Variants in PUM1 observed in about 807,000 individuals in gnomAD.
PUM1 encodes pumilio homolog 1.
In PUM1, 13 loss-of-function variants were observed where a neutral mutation model predicts 131.8. That is an observed-to-expected ratio of 0.10 (90% CI 0.06 to 0.16). The LOEUF is 0.16. Ranked by LOEUF, PUM1 falls within the 10% of genes least tolerant of loss-of-function variation. The pLI, the probability that PUM1 is intolerant of heterozygous loss-of-function variation, is 1.00. For synonymous variants in PUM1, 509 were observed against 556.5 expected (o/e 0.91, Z 1.20); for missense variants, 961 against 1,512.4 (o/e 0.64, Z 6.05).
At chr1:31,027,961 T>C (rs1306979745) in intron 3 of PUM1, among the ~76,000 whole-genome samples, 1 of 152,204 alleles carries the variant, frequency 6.6e-6, no homozygotes, top group East Asian at 1.9e-4. Context: ...AGAGAAAACC[T>C]AACGTCACTT....
intron 2 of PUM1, chr1:31,055,193 AG>A (rs2124596846): frequency 2.7e-6 from 1 of 369,058 alleles, no homozygotes; most frequent in East Asian, 7.3e-5. Context: ...CTCCACCTAG[AG>A]ATGTGCCCCT....
intron 18 of PUM1, among the ~76,000 whole-genome samples, chr1:30,942,627 C>T (rs1369098013): frequency 6.6e-6 from 1 of 152,148 alleles, no homozygotes; most frequent in Non-Finnish European, 1.5e-5. Flanking sequence ...AATAGAAAAG[C>T]ACACTACCCT....
Position 30,952,328 on chromosome 1 carries a change from G to A in PUM1, c.2627C>T (p.Ala876Val), listed in dbSNP as rs1342696438. ...IQLKLERATP[A>V]ERQLVFNEIL... ...TTCATTGAAGACAAGCTGGCGCTCAGCTGGTGTGGCACGCTCCAGTTTCAG... is the reference window on the plus strand; with the variant it reads ...TTCATTGAAGACAAGCTGGCGCTCAACTGGTGTGGCACGCTCCAGTTTCAG... The change falls in exon 16 of 22, where the codon GCT (alanine) becomes GTT (valine). Residue 876 changes from alanine to valine, a missense_variant. This residue lies in a region of PUM1 where 117 missense variants were observed against 200.7 expected (regional missense o/e 0.58). Transcript: ENST00000426105. 1.9e-6 allele frequency: 3 copies of A among 1,613,460 alleles called. No individual in the cohort carries two copies. Among genetic ancestry groups the A allele is most frequent in the African/African-American group, 1.3e-5 (1 of 74,936 alleles).
In PUM1 at chr1:30,981,345, A is replaced by ACTG. The variant is rs762573186; in HGVS notation, c.1216_1218dup (p.Gln406dup). 246 of 1,603,064 alleles carry ACTG rather than the reference A, an allele frequency of 1.5e-4. No individual in the cohort carries two copies. Among genetic ancestry groups the ACTG allele is most frequent in the Non-Finnish European group, 2.0e-4 (232 of 1,173,694 alleles). On this transcript the variant is annotated inframe_insertion, in exon 8 of 22. Transcript: ENST00000426105. ...GGCTGATGAGCAGCTGCCAGTGCAT[A>ACTG]CTGCTGCTGCTGAGCAGCTGTCAAC...
chr1:30,992,368 G>T (rs759658944), intron 7 of PUM1, 22 bp downstream of exon 7: 1 of 1,606,760 alleles, frequency 6.2e-7, no homozygotes, highest in Non-Finnish European at 8.5e-7. Flanking sequence ...AGTAGAGAGG[G>T]TGACAGAGAC....
chr1:31,015,994 G>A (rs1642804215), intron 3 of PUM1, among the ~76,000 whole-genome samples: 1 of 151,998 alleles, frequency 6.6e-6, no homozygotes, highest in Non-Finnish European at 1.5e-5. Flanking sequence ...ATTTCAAAAG[G>A]GCAAAAGTTA....
At chr1:30,969,316 C>CAAAAAAA (rs763999971) in intron 10 of PUM1, among the ~76,000 whole-genome samples, 5 of 51,172 alleles carry the variant, frequency 9.8e-5, no homozygotes, top group African/African-American at 1.5e-4. Context: ...AACACACACA[C>CAAAAAAA]AAAAAAAAAA....
chr1:30,963,270 G>T (rs1389282742), intron 14 of PUM1, among the ~76,000 whole-genome samples: 1 of 152,124 alleles, frequency 6.6e-6, no homozygotes, highest in Admixed American at 6.5e-5. Flanking sequence ...TCCAGATTCT[G>T]CATTAACCCC....
intron 5 of PUM1, among the ~76,000 whole-genome samples, chr1:31,001,115 C>T (rs1390269655): frequency 2.0e-5 from 3 of 152,024 alleles, no homozygotes; most frequent in African/African-American, 4.8e-5. Flanking sequence ...ACCCGGGAGG[C>T]GGAGCTTGCA....
intron 2 of PUM1, among the ~76,000 whole-genome samples, chr1:31,029,936 C>A: frequency 7.3e-6 from 1 of 137,076 alleles, no homozygotes; most frequent in Non-Finnish European, 1.6e-5. Context: ...AAAAAAAAGG[C>A]TGGGCGCAGT....
intron 2 of PUM1, among the ~76,000 whole-genome samples, chr1:31,038,121 C>T (rs1230534923): frequency 1.3e-5 from 2 of 149,754 alleles, no homozygotes; most frequent in Non-Finnish European, 3.0e-5. Flanking sequence ...ACTTCAACTG[C>T]TAAAGAATAA....
At chr1:31,049,823 CTTTTTTTTT>C (rs773718125) in intron 2 of PUM1, among the ~76,000 whole-genome samples, 2 of 79,970 alleles carry the variant, frequency 2.5e-5, no homozygotes, top group Non-Finnish European at 4.4e-5. Context: ...ACTGAACTTC[CTTTTTTTTT>C]TTTTTTTTTT....
At chr1:31,015,135 C>A (rs183216331) in intron 3 of PUM1, among the ~76,000 whole-genome samples, 1 of 152,182 alleles carries the variant, frequency 6.6e-6, no homozygotes, top group East Asian at 1.9e-4. Context: ...CCTTTTGGAT[C>A]AAGACTGGAA....
chr1:31,012,266 T>C (rs1330004365), intron 3 of PUM1, among the ~76,000 whole-genome samples: 1 of 152,006 alleles, frequency 6.6e-6, no homozygotes, highest in Non-Finnish European at 1.5e-5. Flanking sequence ...TAGCCTCTTG[T>C]TGTTCTGGTT....
chr1:30,934,473 A>G (rs1639113784), intron 21 of PUM1, among the ~76,000 whole-genome samples: 1 of 152,170 alleles, frequency 6.6e-6, no homozygotes, highest in African/African-American at 2.4e-5. Context: ...GATCCGGTCT[A>G]GAAATCACCT....
intron 2 of PUM1, among the ~76,000 whole-genome samples, chr1:31,038,984 A>ATATATATATATATATTTTTTTTTTT: frequency 6.1e-5 from 3 of 49,420 alleles, no homozygotes; most frequent in South Asian, 8.2e-4. Context: ...ATATATATAT[A>ATATATATATATATATTTTTTTTTTT]TTTTTTTTTT....
intron 7 of PUM1, among the ~76,000 whole-genome samples, chr1:30,986,950 T>A (rs1216443014): frequency 6.6e-6 from 1 of 152,200 alleles, no homozygotes; most frequent in African/African-American, 2.4e-5. Flanking sequence ...CCTCTGACTG[T>A]GGTCGTGCAG....
chr1:31,012,285 G>T (rs1029849231), intron 3 of PUM1, among the ~76,000 whole-genome samples: 1 of 151,758 alleles, frequency 6.6e-6, no homozygotes, highest in African/African-American at 2.4e-5. Context: ...TTAGTGTGGG[G>T]TCAATATCGC....
At chr1:30,939,594 T>C (rs1242209411) in intron 20 of PUM1, among the ~76,000 whole-genome samples, 1 of 152,236 alleles carries the variant, frequency 6.6e-6, no homozygotes, top group Non-Finnish European at 1.5e-5. Context: ...GGTCTCCACC[T>C]GCCCTTTGGT....
Sources: allele counts gnomAD v4.1 joint callset (sites outside exome capture counted in the v4.1 genomes callset), GRCh38; gene constraint gnomAD v4.1.1; regional missense constraint gnomAD v4.1.1; transcripts MANE v1.5; gene names NCBI Gene and HGNC (gene_info 2026-07-23, HGNC 2026-07-21).